Variants in AIFM1 observed in about 807,000 individuals in gnomAD.
The protein encoded by AIFM1 is apoptosis inducing factor mitochondria associated 1.
Under a neutral mutation model 51.7 loss-of-function variants are expected in AIFM1, and 3 were observed. The ratio of observed to expected loss-of-function variants is 0.06; its 90% CI spans 0.03 to 0.15. The LOEUF (loss-of-function observed/expected upper bound fraction) is 0.15, where lower values mean the gene tolerates loss of function less well. Ranked by LOEUF, AIFM1 falls within the 10% of genes least tolerant of loss-of-function variation. AIFM1 has a pLI of 1.00. For missense variants in AIFM1, 330 were observed against 476.8 expected, an observed-to-expected ratio of 0.69 and a Z score of 2.87; for synonymous variants, 178 against 179.4, an observed-to-expected ratio of 0.99 and a Z score of 0.06.
At position 130,138,593 on chromosome X, in the gene AIFM1, C is replaced by A; in HGVS notation, c.967G>T (p.Ala323Ser). ...ATCAAGGTCACTCCTCAATACTCAC[C>A]CTTTCTGCCAAGAGCACAGGCCAGT... ...SELACALGRK[A>S]RALGTEVIQL... The change falls in exon 9 of 16, where the codon GCT becomes TCT. Residue 323 changes from alanine to serine, a missense_variant and splice_region_variant. Transcript: ENST00000287295. The A allele has an allele frequency of 1.7e-6, 2 of 1,196,056 alleles. No homozygotes were observed. Among genetic ancestry groups the A allele is most frequent in the Non-Finnish European group, 2.3e-6 (2 of 881,449 alleles).
At position 130,139,889 on chromosome X, in the gene AIFM1, A is replaced by G. The variant is rs2030514318; in HGVS notation, c.782-18T>C. On this transcript the variant is annotated intron_variant, in intron 7 of 15. Coordinates refer to ENST00000287295, the MANE Select transcript of AIFM1 (RefSeq NM_004208.4). The stretch of plus-strand genomic sequence containing the variant: ...AGTACCTCCTGGAAATAAGAGAAGG[A>G]AAACCCTTTAGCCCAACAAGCAGGA... 5 of 1,187,774 alleles carry G rather than the reference A, an allele frequency of 4.2e-6. No homozygotes were observed. Among genetic ancestry groups the G allele is most frequent in the African/African-American group, 3.5e-5 (2 of 57,409 alleles).
At position 130,152,254 on chromosome X, in the gene AIFM1, T is replaced by C. The variant is rs2031011920; in HGVS notation, c.250-2686A>G. Among the ~76,000 whole-genome samples the C allele has an allele frequency of 3.6e-5, 4 of 111,881 alleles. No homozygotes were observed. The Middle Eastern group carries it at 0.014, about 385-fold the overall frequency. ...TATCCCAAAATAGCCTAAGCCCAGC[T>C]CACACTTGCTAATGGCTCACACATG... On this transcript the variant is annotated intron_variant, in intron 2 of 15. Coordinates refer to ENST00000287295, the MANE Select transcript of AIFM1 (RefSeq NM_004208.4).
intron 2 of AIFM1, chrX:130,155,240 A>AGATGCTAGTGATCTAGAAGGG: frequency 1.7e-6 from 2 of 1,210,478 alleles, no homozygotes; most frequent in Non-Finnish European, 2.2e-6. Context: ...AAGCACCTGT[A>AGATGCTAGTGATCTAGAAGGG]GATGCTAGTG....
chrX:130,150,319 T>C (rs2030915785), intron 2 of AIFM1, among the ~76,000 whole-genome samples: 1 of 107,072 alleles, frequency 9.3e-6, no homozygotes, highest in Admixed American at 1.0e-4. Flanking sequence ...CCAGAGTTTA[T>C]TGGAGACTTT....
chrX:130,151,210 G>A (rs1036723841), intron 2 of AIFM1, among the ~76,000 whole-genome samples: 4 of 107,208 alleles, frequency 3.7e-5, no homozygotes, highest in Admixed American at 1.0e-4. Flanking sequence ...GCGTGATCTC[G>A]GCTTACTACA....
At chrX:130,143,154 A>G (rs1489830291) in intron 6 of AIFM1, among the ~76,000 whole-genome samples, 1 of 110,967 alleles carries the variant, frequency 9.0e-6, no homozygotes, top group Non-Finnish European at 1.9e-5. Flanking sequence ...TCCTCTTCTC[A>G]CCAGATCAGT....
Position 130,156,484 on chromosome X carries a change from A to G in AIFM1, c.226T>C (p.Ser76Pro). The change falls in exon 2 of 16, where the codon TCA (serine) becomes CCA (proline). Residue 76 changes from serine to proline, a missense_variant. Physicochemically the swap from Ser to Pro is moderately conservative, Grantham distance 74. Around this residue, in one of 4 missense-constraint regions of AIFM1, gnomAD observed 110 missense variants for 103.1 expected, o/e 1.07. Transcript: ENST00000287295. ...NSVLVLIVGL[S>P]TVGAGAYAYK... ...ACATAGGCACCAGCTCCTACTGTTG[A>G]TAAGCCCACAATAAGGACTAACACA... 1 of 1,211,864 alleles carries G rather than the reference A, an allele frequency of 8.3e-7. No homozygotes were observed. The highest frequency in any genetic ancestry group is 1.1e-6 in the Non-Finnish European group (1 of 895,572).
Position 130,165,652 on chromosome X carries a change from A to T in AIFM1, c.5T>A (p.Phe2Tyr). ...ACCCGCCGCCAGGCCTCCACACCGG[A>T]ACATTTCGGCGACCGCTATTCGGGA... Reference protein sequence around the residue: MFRCGGLAAGAL... With the variant: MYRCGGLAAGAL... The change falls in exon 1 of 16, where the codon TTC becomes TAC. Residue 2 changes from phenylalanine (F) to tyrosine (Y), a missense_variant. Transcript: ENST00000287295. The T allele has an allele frequency of 5.0e-6, 6 of 1,194,205 alleles. No homozygotes were observed. Among genetic ancestry groups the T allele is most frequent in the Non-Finnish European group, 5.6e-6 (5 of 885,215 alleles).
Position 130,129,483 on chromosome X carries a change from TA to T in AIFM1, c.*73del, listed in dbSNP as rs1229455296. ...TCATACACAGAGAAAGTCTGCTGAA[TA>T]AAAAAATGCTCCTTTACCCATTCGA... On this transcript the variant is annotated 3_prime_UTR_variant, in exon 16 of 16. Transcript: ENST00000287295. 5.7e-6 allele frequency: 5 copies of T among 872,329 alleles called. No individual in the cohort carries two copies. The highest frequency in any genetic ancestry group is 8.5e-6 in the Non-Finnish European group (5 of 585,821). The allele number at this position is 872,329 out of a possible 1,213,427, so 71.9% of individuals were successfully genotyped here.
intron 1 of AIFM1, among the ~76,000 whole-genome samples, chrX:130,161,637 T>C (rs1176597825): frequency 2.0e-5 from 2 of 102,013 alleles, no homozygotes; most frequent in African/African-American, 3.6e-5. Context: ...AGACAGATTC[T>C]CGCTCTGTCG....
rs771247192 is a variant in AIFM1 at position 130,136,632 on chromosome X, T to G, written c.1164+11A>C. 1.0e-5 allele frequency: 12 copies of G among 1,203,924 alleles called. No homozygotes were observed. Among genetic ancestry groups the G allele is most frequent in the Non-Finnish European group, 1.3e-5 (12 of 890,008 alleles). ...GAAGGCCTCTTGGCAGACTATCTTT[T>G]CCTTCCTTACCTTCCTGCCGTCTTT... On this transcript the variant is annotated intron_variant, in intron 11 of 15. Coordinates refer to ENST00000287295, the MANE Select transcript of AIFM1 (RefSeq NM_004208.4).
intron 2 of AIFM1, among the ~76,000 whole-genome samples, chrX:130,151,646 T>G (rs1304792229): frequency 8.9e-6 from 1 of 112,443 alleles, no homozygotes; most frequent in Non-Finnish European, 1.9e-5. Context: ...ATCGAATAAA[T>G]GAATTCAATT....
intron 1 of AIFM1, among the ~76,000 whole-genome samples, chrX:130,158,916 C>T (rs1569422896): frequency 9.1e-6 from 1 of 110,220 alleles, no homozygotes; most frequent in Non-Finnish European, 1.9e-5. Flanking sequence ...AAGGAATTTC[C>T]CCCTTGCTTT....
chrX:130,140,213 C>T lies in AIFM1; in HGVS notation c.781+320G>A, dbSNP rs745759920. The stretch of plus-strand genomic sequence containing the variant: ...TTGATAAATTGCTTCTGTCTCCTCT[C>T]TTGGTTTCTGATTGCAACTGGCAAT... On this transcript the variant is annotated intron_variant, in intron 7 of 15. Coordinates refer to ENST00000287295, the MANE Select transcript of AIFM1 (RefSeq NM_004208.4). 2.7e-5 allele frequency among the ~76,000 whole-genome samples: 3 copies of T among 112,536 alleles called. No individual in the cohort carries two copies. The South Asian group carries it at 1.1e-3, about 41-fold the overall frequency.
chrX:130,149,329 G>A (rs2030875452), intron 3 of AIFM1, 140 bp downstream of exon 3: 1 of 549,351 alleles, frequency 1.8e-6, no homozygotes, highest in Non-Finnish European at 3.2e-6. Context: ...CAGTTCTAGG[G>A]TAATACCATA....
At chrX:130,152,123 GAAAAAAGAAAAGAA>G (rs1430626045) in intron 2 of AIFM1, among the ~76,000 whole-genome samples, 14 of 106,732 alleles carry the variant, frequency 1.3e-4, no homozygotes, top group African/African-American at 4.8e-4. Context: ...GAAAAGAAAA[GAAAAAAGAAAAGAA>G]AAAAAAGAAA....
chrX:130,138,350 A>G (rs2030447652), intron 9 of AIFM1, among the ~76,000 whole-genome samples: 1 of 111,027 alleles, frequency 9.0e-6, no homozygotes, highest in Non-Finnish European at 1.9e-5. Flanking sequence ...CTGTAGTCCC[A>G]GCTACTCGGG....
chrX:130,150,977 CAAAAAAAAAA>C (rs759870161), intron 2 of AIFM1, among the ~76,000 whole-genome samples: 1 of 27,813 alleles, frequency 3.6e-5, no homozygotes, highest in African/African-American at 1.8e-4. Context: ...GACTCTGTCT[CAAAAAAAAAA>C]AAAAAAAAGA....
At chrX:130,133,256 T>C in intron 13 of AIFM1, 57 bp downstream of exon 13, 11 of 1,196,285 alleles carry the variant, frequency 9.2e-6, no homozygotes, top group Non-Finnish European at 1.1e-5. Context: ...CTCTGTGTTA[T>C]GGTCCTAGAG....
Sources: allele counts gnomAD v4.1 joint callset (sites outside exome capture counted in the v4.1 genomes callset), GRCh38; gene constraint gnomAD v4.1.1; regional missense constraint gnomAD v4.1.1; transcripts MANE v1.5; gene names NCBI Gene and HGNC (gene_info 2026-07-23, HGNC 2026-07-21).